Variants in SLC8A3 observed in about 807,000 individuals in gnomAD.
SLC8A3 encodes sodium/calcium exchanger 3.
SLC8A3 carries 37 observed loss-of-function variants against 65.4 expected under a neutral mutation model. The observed-to-expected ratio is 0.57, with a 90% CI of 0.44 to 0.74. The LOEUF (loss-of-function observed/expected upper bound fraction) is 0.74. SLC8A3 is among the 30% of genes least tolerant of loss of function. SLC8A3 has a pLI of 0.00. For synonymous variants in SLC8A3, 461 were observed against 444.5 expected (o/e 1.04, Z -0.47); for missense variants, 1,112 against 1,172.1 (o/e 0.95, Z 0.75).
At chr14:70,174,652 TTTTTTTTTTG>T (rs1594808878) in intron 1 of SLC8A3, among the ~76,000 whole-genome samples, 1 of 48,258 alleles carries the variant, frequency 2.1e-5, no homozygotes, top group African/African-American at 8.2e-5. Flanking sequence ...ACCAAATCCG[TTTTTTTTTTG>T]TTTTTTTTTT....
At chr14:70,156,156 A>T (rs1055717914) in intron 2 of SLC8A3, among the ~76,000 whole-genome samples, 5 of 152,208 alleles carry the variant, frequency 3.3e-5, no homozygotes, top group African/African-American at 1.2e-4. Context: ...CTAGGTTAGC[A>T]GTGCTTCTGG....
At position 70,168,200 on chromosome 14, in the gene SLC8A3, C is replaced by G. The variant is rs1370018985; in HGVS notation, c.223G>C (p.Ala75Pro). 6.2e-7 allele frequency: 1 copy of G among 1,614,042 alleles called. No individual in the cohort carries two copies. Among genetic ancestry groups the G allele is most frequent in the African/African-American group, 1.3e-5 (1 of 74,926 alleles). Residue 75 changes from alanine (A) to proline (P), a missense_variant, in exon 2 of 7, where the codon GCC becomes CCC. Ala to Pro is a conservative substitution (Grantham distance 27). Transcript: ENST00000356921. ...GCCACAAAATAGACAATGACCCTGG[C>G]AATCTTGTCCCCAAGGGAAGGGTTC... ...PENPSLGDKI[A>P]RVIVYFVALI...
Position 70,167,021 on chromosome 14 carries a change from T to C in SLC8A3, c.1402A>G (p.Ile468Val). The C allele has an allele frequency of 6.2e-7, 1 of 1,614,052 alleles. No homozygotes were observed. Among genetic ancestry groups the C allele is most frequent in the Non-Finnish European group, 8.5e-7 (1 of 1,180,034 alleles). ...TCCTCAAAAATGTCGTCATCAATTA[T>C]GCCCACGGAGAACTCCTTCTGGGTC... is the stretch of plus-strand genomic sequence containing the variant. ...GETQKEFSVG[I>V]IDDDIFEEDE... Residue 468 changes from isoleucine to valine, a missense_variant, in exon 2 of 7, where the codon ATA (isoleucine) becomes GTA (valine). Ile to Val is a conservative substitution (Grantham distance 29, BLOSUM62 3). Transcript: ENST00000356921.
chr14:70,175,190 A>T (rs1195014640), intron 1 of SLC8A3, among the ~76,000 whole-genome samples: 1 of 152,178 alleles, frequency 6.6e-6, no homozygotes, highest in African/African-American at 2.4e-5. Flanking sequence ...CAAGGACTTT[A>T]AAAAAGTGAT....
chr14:70,168,736 T>C (rs1897323539), intron 1 of SLC8A3, among the ~76,000 whole-genome samples: 1 of 152,174 alleles, frequency 6.6e-6, no homozygotes, highest in Admixed American at 6.5e-5. Flanking sequence ...AATGCAGCAA[T>C]AGCCTTCAAG....
chr14:70,182,083 T>C (rs1882799658), intron 1 of SLC8A3, among the ~76,000 whole-genome samples: 1 of 152,048 alleles, frequency 6.6e-6, no homozygotes, highest in Non-Finnish European at 1.5e-5. Context: ...CATGGGCTTA[T>C]AAAATACATC....
At chr14:70,103,316 T>A (rs1477815126) in intron 2 of SLC8A3, among the ~76,000 whole-genome samples, 1 of 151,678 alleles carries the variant, frequency 6.6e-6, no homozygotes, top group Non-Finnish European at 1.5e-5. Flanking sequence ...TGAAAACGGG[T>A]TTACAGATAA....
At chr14:70,145,354 C>T (rs1309870430) in intron 2 of SLC8A3, among the ~76,000 whole-genome samples, 1 of 152,190 alleles carries the variant, frequency 6.6e-6, no homozygotes, top group African/African-American at 2.4e-5. Context: ...CATATACCTC[C>T]ATTATTAAAT....
intron 2 of SLC8A3, among the ~76,000 whole-genome samples, chr14:70,166,341 C>G (rs1897158424): frequency 1.3e-5 from 2 of 152,232 alleles, no homozygotes. Context: ...CACAAAACTT[C>G]TGTCATCCCA....
intron 3 of SLC8A3, 53 bp downstream of exon 3, chr14:70,060,778 GTTTGT>G (rs1888701847): frequency 1.0e-6 from 1 of 962,004 alleles, no homozygotes; most frequent in Admixed American, 1.8e-5. Context: ...TTGTTTTTCA[GTTTGT>G]TTTAATTTTT....
rs935045299 is a variant in SLC8A3 at position 70,174,952 on chromosome 14, C to T, written c.-62-6468G>A. 3.9e-5 allele frequency among the ~76,000 whole-genome samples: 6 copies of T among 152,046 alleles called. No homozygotes were observed. The South Asian group carries it at 6.2e-4, about 16-fold the overall frequency. ...CTTTTAATGTAGAGAATGTTGCAGT[C>T]GTATGTGAGATAATATTATACTGTT... On this transcript the variant is annotated intron_variant, in intron 1 of 6. Transcript: ENST00000356921.
intron 2 of SLC8A3, among the ~76,000 whole-genome samples, chr14:70,127,017 G>A (rs1894504249): frequency 1.3e-5 from 2 of 152,114 alleles, no homozygotes; most frequent in Admixed American, 1.3e-4. Flanking sequence ...ACTGGGAGGG[G>A]CTTCTAGAAT....
intron 2 of SLC8A3, among the ~76,000 whole-genome samples, chr14:70,098,855 A>C (rs149310757): frequency 2.0e-5 from 3 of 152,218 alleles, no homozygotes; most frequent in African/African-American, 7.2e-5. Flanking sequence ...TATCCAAGAA[A>C]GTGCAGAAGA....
Position 70,168,039 on chromosome 14 carries a change from G to A in SLC8A3, c.384C>T (p.Val128=). The A allele has an allele frequency of 1.2e-6, 2 of 1,614,126 alleles. No homozygotes were observed. The highest frequency in any genetic ancestry group is 1.3e-5 in the African/African-American group (1 of 75,032). ...TCAGGTTGGAGACAGTTTCATTCCA[G>A]ACCCGAATAGTGGTTGTGCTGGTTT... ...NGETSTTTIR[V]WNETVSNLTL... is the part of the protein sequence containing the mutation. The change falls in exon 2 of 7, where the codon GTC becomes GTT. Residue 128 remains valine (V), a synonymous_variant. Transcript: ENST00000356921.
intron 3 of SLC8A3, among the ~76,000 whole-genome samples, chr14:70,054,611 A>C (rs951701746): frequency 6.6e-6 from 1 of 152,170 alleles, no homozygotes; most frequent in African/African-American, 2.4e-5. Context: ...CAATGTTATG[A>C]AATCAATACC....
chr14:70,150,015 A>C (rs773573048), intron 2 of SLC8A3, among the ~76,000 whole-genome samples: 90 of 152,262 alleles, frequency 5.9e-4, no homozygotes, highest in East Asian at 5.8e-4. Flanking sequence ...TCTTTAGATC[A>C]ACTGTTTCTT....
chr14:70,118,446 C>A (rs952132664), intron 2 of SLC8A3, among the ~76,000 whole-genome samples: 1 of 152,186 alleles, frequency 6.6e-6, no homozygotes, highest in Admixed American at 6.5e-5. Context: ...GCTCTTGCAT[C>A]TTCTCTGCCT....
intron 2 of SLC8A3, among the ~76,000 whole-genome samples, chr14:70,091,587 A>G (rs1172935429): frequency 6.6e-6 from 1 of 152,178 alleles, no homozygotes; most frequent in Non-Finnish European, 1.5e-5. Context: ...ATTGCTTTGC[A>G]GATATCTGGT....
intron 2 of SLC8A3, among the ~76,000 whole-genome samples, chr14:70,104,681 C>G (rs1464041651): frequency 6.6e-6 from 1 of 152,092 alleles, no homozygotes; most frequent in African/African-American, 2.4e-5. Flanking sequence ...TATTTGGAAA[C>G]TAACTACATA....
Sources: gnomAD v4.1 joint callset for allele counts (sites outside exome capture counted in the v4.1 genomes callset) on GRCh38, gnomAD v4.1.1 for gene constraint, MANE v1.5 for transcripts, NCBI Gene and HGNC (gene_info 2026-07-23, HGNC 2026-07-21) for gene names.